AFG2A: variants seen among roughly 807,000 people sequenced by gnomAD.
The protein encoded by AFG2A is ATPase family gene 2 protein homolog A.
chr4:123,183,567 T>C, the AFG2A span, among the ~76,000 whole-genome samples: 2 of 152,332 alleles, frequency 1.3e-5, no homozygotes, highest in East Asian at 3.9e-4. Context: ...TGTAGTTTTC[T>C]TACAAGACTT....
At chr4:123,138,510 A>AGTTT in the AFG2A span, among the ~76,000 whole-genome samples, 1 of 152,192 alleles carries the variant, frequency 6.6e-6, no homozygotes, top group Non-Finnish European at 1.5e-5. Context: ...CAGAAACTTT[A>AGTTT]AACATTTTTG....
the AFG2A span, chr4:122,934,517 T>G: frequency 6.2e-7 from 1 of 1,614,242 alleles, no homozygotes; most frequent in Non-Finnish European, 8.5e-7. Flanking sequence ...GAAGAGAGAC[T>G]GCTAAAGTTC....
the AFG2A span, among the ~76,000 whole-genome samples, chr4:123,286,514 T>C: frequency 6.6e-6 from 1 of 152,232 alleles, no homozygotes; most frequent in South Asian, 2.1e-4. Flanking sequence ...CATCTTATTT[T>C]TGATTTTGTA....
At chr4:123,018,542 C>T in the AFG2A span, among the ~76,000 whole-genome samples, 1 of 152,094 alleles carries the variant, frequency 6.6e-6, no homozygotes, top group Non-Finnish European at 1.5e-5. Flanking sequence ...TCTTCTAGTT[C>T]TAGGATTTTA....
the AFG2A span, among the ~76,000 whole-genome samples, chr4:123,129,439 A>G: frequency 6.6e-6 from 1 of 152,202 alleles, no homozygotes; most frequent in Non-Finnish European, 1.5e-5. Flanking sequence ...GAGAGGCTGT[A>G]AAATAAATAT....
the AFG2A span, among the ~76,000 whole-genome samples, chr4:122,997,414 T>C: frequency 6.6e-6 from 1 of 152,184 alleles, no homozygotes; most frequent in African/African-American, 2.4e-5. Flanking sequence ...TGTGACTGGA[T>C]TATTTTATTT....
the AFG2A span, among the ~76,000 whole-genome samples, chr4:122,942,454 G>A: frequency 4.0e-5 from 6 of 151,472 alleles, no homozygotes; most frequent in East Asian, 1.2e-3. Context: ...ATGGTAGTTT[G>A]TATTTCTGTG....
chr4:123,197,057 T>C, the AFG2A span, among the ~76,000 whole-genome samples: 1 of 152,192 alleles, frequency 6.6e-6, no homozygotes, highest in African/African-American at 2.4e-5. Flanking sequence ...AAAGTTTTCA[T>C]TGCAATAATA....
chr4:122,948,443 A>G, the AFG2A span, among the ~76,000 whole-genome samples: 1 of 142,958 alleles, frequency 7.0e-6, no homozygotes, highest in African/African-American at 2.5e-5. Context: ...CGGACATGTA[A>G]TCAGATCCAT....
chr4:123,004,423 C>T, the AFG2A span, among the ~76,000 whole-genome samples: 17 of 152,210 alleles, frequency 1.1e-4, no homozygotes, highest in African/African-American at 4.1e-4. Flanking sequence ...GAGCTGTAGA[C>T]CGGAGCTGTT....
the AFG2A span, among the ~76,000 whole-genome samples, chr4:123,221,870 T>A: frequency 6.6e-6 from 1 of 151,962 alleles, no homozygotes. Context: ...GAGGTTGCAG[T>A]GAGCCAAAAT....
chr4:123,080,800 A>C, the AFG2A span, among the ~76,000 whole-genome samples: 6 of 151,802 alleles, frequency 4.0e-5, no homozygotes, highest in Admixed American at 6.6e-5. Context: ...TATTTCCTTA[A>C]TATTTCTCAC....
chr4:123,176,663 A>G, the AFG2A span, among the ~76,000 whole-genome samples: 1 of 152,172 alleles, frequency 6.6e-6, no homozygotes, highest in Non-Finnish European at 1.5e-5. Flanking sequence ...TAAATAAGAG[A>G]AGAGCCTTGT....
the AFG2A span, among the ~76,000 whole-genome samples, chr4:123,175,326 A>G: frequency 6.6e-6 from 1 of 152,214 alleles, no homozygotes; most frequent in African/African-American, 2.4e-5. Flanking sequence ...CAATATATAC[A>G]AAAGCAAAAG....
At chr4:123,273,577 G>A in the AFG2A span, among the ~76,000 whole-genome samples, 14 of 152,088 alleles carry the variant, frequency 9.2e-5, no homozygotes, top group Non-Finnish European at 1.6e-4. Context: ...GAGTATACAA[G>A]TTGAACATCC....
chr4:123,177,993 G>C, the AFG2A span, among the ~76,000 whole-genome samples: 1 of 152,192 alleles, frequency 6.6e-6, no homozygotes, highest in East Asian at 1.9e-4. Context: ...TCAGCCAGGA[G>C]AAAGTACACT....
At chr4:122,985,889 A>G in the AFG2A span, among the ~76,000 whole-genome samples, 182 of 150,588 alleles carry the variant, frequency 1.2e-3, no homozygotes, top group African/African-American at 4.1e-3. Flanking sequence ...GCTCTTTCAG[A>G]CCTTCCAATG....
chr4:122,976,746 G>T, the AFG2A span, among the ~76,000 whole-genome samples: 5 of 152,130 alleles, frequency 3.3e-5, no homozygotes, highest in Admixed American at 3.3e-4. Flanking sequence ...TTGCTTGCAG[G>T]TGTTTTCCCA....
At chr4:122,996,667 C>T in the AFG2A span, among the ~76,000 whole-genome samples, 2 of 151,890 alleles carry the variant, frequency 1.3e-5, no homozygotes, top group Admixed American at 6.6e-5. Flanking sequence ...CAATTATGGA[C>T]GCTGAGAAGT....
Sources: gnomAD v4.1 joint callset for allele counts (sites outside exome capture counted in the v4.1 genomes callset) on GRCh38, gnomAD v4.1.1 for gene constraint, MANE v1.5 for transcripts, NCBI Gene and HGNC (gene_info 2026-07-23, HGNC 2026-07-21) for gene names.